Variants in CD38 observed in about 807,000 individuals in gnomAD.
CD38 encodes the protein CD38 molecule, also known as ADP-ribosyl cyclase/cyclic ADP-ribose hydrolase 1.
CD38 carries 31 observed loss-of-function variants against 36.3 expected under a neutral mutation model. The observed-to-expected ratio is 0.85, with a 90% CI of 0.64 to 1.15. The LOEUF is 1.15. Ranked by LOEUF, CD38 falls within the 50% of genes most tolerant of loss-of-function variation. The pLI, the probability that CD38 is intolerant of heterozygous loss-of-function variation, is 0.00. For missense variants in CD38, 380 were observed against 371.9 expected (o/e 1.02, Z -0.18); for synonymous variants, 131 against 135.2 (o/e 0.97, Z 0.22).
intron 1 of CD38, among the ~76,000 whole-genome samples, chr4:15,804,961 T>C (rs1317748545): frequency 6.6e-6 from 1 of 152,216 alleles, no homozygotes; most frequent in African/African-American, 2.4e-5. Context: ...TTTGAGATAA[T>C]GGATATGCCA....
intron 1 of CD38, among the ~76,000 whole-genome samples, chr4:15,787,615 T>A (rs1018783160): frequency 2.0e-5 from 3 of 152,178 alleles, no homozygotes; most frequent in African/African-American, 7.2e-5. Flanking sequence ...ATTACGAATC[T>A]TTGTAGGTAA....
chr4:15,829,947 A>G (rs1577656605), intron 3 of CD38, among the ~76,000 whole-genome samples: 4 of 152,152 alleles, frequency 2.6e-5, no homozygotes, highest in Admixed American at 2.6e-4. Context: ...GCTGAATAGT[A>G]CTCCATTGTG....
intron 3 of CD38, among the ~76,000 whole-genome samples, chr4:15,829,931 T>G (rs1324966085): frequency 1.3e-5 from 2 of 152,210 alleles, no homozygotes; most frequent in Non-Finnish European, 2.9e-5. Flanking sequence ...CACATTCTTT[T>G]TTGTGGCTGA....
intron 2 of CD38, among the ~76,000 whole-genome samples, chr4:15,820,171 C>T (rs1182967411): frequency 2.6e-5 from 4 of 152,190 alleles, no homozygotes; most frequent in Admixed American, 2.6e-4. Context: ...ACCAGGCCTG[C>T]CTTGCAAGAG....
chr4:15,789,133 G>A (rs1053806357), intron 1 of CD38, among the ~76,000 whole-genome samples: 9 of 152,114 alleles, frequency 5.9e-5, no homozygotes, highest in African/African-American at 1.9e-4. Context: ...CCATCTTTTT[G>A]CCTTATTTCC....
chr4:15,786,214 G>A (rs760388529), intron 1 of CD38, among the ~76,000 whole-genome samples: 10 of 151,932 alleles, frequency 6.6e-5, no homozygotes, highest in Non-Finnish European at 1.2e-4. Context: ...CCAATGGGTT[G>A]CCAGTGTTGG....
chr4:15,801,510 G>A (rs1267895382), intron 1 of CD38, among the ~76,000 whole-genome samples: 2 of 152,008 alleles, frequency 1.3e-5, no homozygotes, highest in African/African-American at 4.8e-5. Flanking sequence ...TTGCAGGCCA[G>A]TATCCCTGAT....
rs532506733 is a variant in CD38, at chr4:15,788,530, A to C, written c.233+9883A>C. 1.5e-3 allele frequency among the ~76,000 whole-genome samples: 234 copies of C among 152,232 alleles called. 1 individual carries two copies. The highest frequency in any genetic ancestry group is 3.4e-3 in the Middle Eastern group (1 of 294). ...ATGAGAAGCCAGATGAAGAGAGTCAAGGTCCTGGGGCTGCTTAGCTTGGAT... is the reference window on the plus strand; with the variant it reads ...ATGAGAAGCCAGATGAAGAGAGTCACGGTCCTGGGGCTGCTTAGCTTGGAT... On this transcript the variant is annotated intron_variant, in intron 1 of 7. Coordinates refer to ENST00000226279, the MANE Select transcript of CD38 (RefSeq NM_001775.4).
chr4:15,807,549 A>AG (rs1415284496), intron 1 of CD38, among the ~76,000 whole-genome samples: 7 of 151,440 alleles, frequency 4.6e-5, no homozygotes, highest in Admixed American at 1.3e-4. Context: ...CCTGAGTGTC[A>AG]GGGGGGGCTG....
At chr4:15,836,318 C>A (rs1724069419) in intron 4 of CD38, among the ~76,000 whole-genome samples, 1 of 152,170 alleles carries the variant, frequency 6.6e-6, no homozygotes, top group African/African-American at 2.4e-5. Flanking sequence ...CTAAAGGAAC[C>A]TAGCTAGTTC....
intron 1 of CD38, among the ~76,000 whole-genome samples, chr4:15,801,231 A>G (rs1263464656): frequency 6.6e-6 from 1 of 152,080 alleles, no homozygotes; most frequent in Non-Finnish European, 1.5e-5. Flanking sequence ...AGGATGAGAT[A>G]CAAAATCCGA....
intron 6 of CD38, 22 bp downstream of exon 6, chr4:15,840,140 C>G: frequency 6.6e-7 from 1 of 1,505,924 alleles, no homozygotes; most frequent in Non-Finnish European, 9.2e-7. Context: ...TACTTTGTAC[C>G]CAAGTGTTAT....
At chr4:15,840,423 A>G in intron 6 of CD38, 29 bp from the exon 7 acceptor site, 1 of 1,432,132 alleles carries the variant, frequency 7.0e-7, no homozygotes, top group Non-Finnish European at 9.7e-7. Flanking sequence ...AGATCTTGTA[A>G]TTTTAATACT....
intron 1 of CD38, among the ~76,000 whole-genome samples, chr4:15,806,554 T>C (rs942927485): frequency 1.3e-5 from 2 of 152,188 alleles, no homozygotes; most frequent in Non-Finnish European, 2.9e-5. Flanking sequence ...GAATGCTCTT[T>C]GGTGATCATG....
chr4:15,779,386 G>C (rs1391548620), intron 1 of CD38, among the ~76,000 whole-genome samples: 1 of 152,134 alleles, frequency 6.6e-6, no homozygotes, highest in Non-Finnish European at 1.5e-5. Context: ...GTTTTCTCAT[G>C]CTCCTTTCCA....
chr4:15,847,518 C>G (rs1279161725), intron 7 of CD38, among the ~76,000 whole-genome samples: 1 of 109,442 alleles, frequency 9.1e-6, no homozygotes, highest in Non-Finnish European at 1.8e-5. Flanking sequence ...ATGTAACTAA[C>G]CTGCACAATG....
intron 4 of CD38, among the ~76,000 whole-genome samples, chr4:15,834,554 A>C (rs1724026178): frequency 6.6e-6 from 1 of 152,204 alleles, no homozygotes; most frequent in Non-Finnish European, 1.5e-5. Flanking sequence ...TTTGGCTACC[A>C]GGAACCTGGG....
intron 4 of CD38, among the ~76,000 whole-genome samples, chr4:15,837,044 T>C (rs1414231656): frequency 2.6e-5 from 4 of 152,256 alleles, no homozygotes; most frequent in Non-Finnish European, 5.9e-5. Context: ...GGGCACTTTA[T>C]AGTTTTTGTT....
chr4:15,792,666 T>C (rs1723030304), intron 1 of CD38, among the ~76,000 whole-genome samples: 4 of 152,154 alleles, frequency 2.6e-5, no homozygotes, highest in Admixed American at 2.6e-4. Flanking sequence ...TTAAAGCGAA[T>C]TCCAGAGTTT....
Sources: gnomAD v4.1 joint callset for allele counts (sites outside exome capture counted in the v4.1 genomes callset) on GRCh38, gnomAD v4.1.1 for gene constraint, MANE v1.5 for transcripts, NCBI Gene and HGNC (gene_info 2026-07-23, HGNC 2026-07-21) for gene names.